SGCE: variants seen among roughly 807,000 people sequenced by gnomAD.
The protein encoded by SGCE is epsilon-sarcoglycan.
SGCE carries 26 observed loss-of-function variants against 57.8 expected under a neutral mutation model. The ratio of observed to expected loss-of-function variants is 0.45; its 90% CI spans 0.33 to 0.62. The LOEUF is 0.62. SGCE is among the 20% of genes least tolerant of loss of function. The pLI is 0.02. For missense variants in SGCE, 468 were observed against 548.6 expected, an observed-to-expected ratio of 0.85 and a Z score of 1.47; for synonymous variants, 183 against 189.5, an observed-to-expected ratio of 0.97 and a Z score of 0.28.
chr7:94,623,496 T>C (rs1803174685), intron 3 of SGCE, 99 bp from the exon 4 acceptor site: 9 of 803,260 alleles, frequency 1.1e-5, no homozygotes, highest in Non-Finnish European at 1.9e-5. Context: ...TTCTTTCCAT[T>C]TTCATTATTT....
At chr7:94,605,724 A>G (rs1011333396) in intron 5 of SGCE, among the ~76,000 whole-genome samples, 17 of 152,234 alleles carry the variant, frequency 1.1e-4, no homozygotes, top group Non-Finnish European at 2.2e-4. Context: ...AAAATGCTCA[A>G]TGAAAACTAT....
chr7:94,587,938 C>G, intron 10 of SGCE: 1 of 1,427,002 alleles, frequency 7.0e-7, no homozygotes, highest in Non-Finnish European at 9.1e-7. Context: ...TGCCGCTATT[C>G]ATACTCAGAA....
intron 9 of SGCE, 197 bp downstream of exon 9, chr7:94,598,578 G>GA: frequency 1.7e-6 from 1 of 596,684 alleles, no homozygotes; most frequent in Non-Finnish European, 3.0e-6. Flanking sequence ...ATCAGTGGGG[G>GA]AAAAAAAGTG....
chr7:94,601,700 A>G (rs1236389648), intron 6 of SGCE, among the ~76,000 whole-genome samples: 1 of 152,102 alleles, frequency 6.6e-6, no homozygotes, highest in African/African-American at 2.4e-5. Context: ...TGTTAATAAT[A>G]CAGTGTTAGT....
chr7:94,647,767 A>G (rs1807308059), intron 1 of SGCE, among the ~76,000 whole-genome samples: 1 of 152,128 alleles, frequency 6.6e-6, no homozygotes, highest in Non-Finnish European at 1.5e-5. Flanking sequence ...CTTTTACCTC[A>G]TATATACCGT....
chr7:94,586,046 A>C (rs1796837160), intron 10 of SGCE, among the ~76,000 whole-genome samples: 1 of 150,594 alleles, frequency 6.6e-6, no homozygotes, highest in Non-Finnish European at 1.5e-5. Flanking sequence ...TTTAAAAGAA[A>C]ACAAGGAACT....
At chr7:94,586,061 GAAAAAAAAAAA>G (rs780812386) in intron 10 of SGCE, among the ~76,000 whole-genome samples, 2 of 28,908 alleles carry the variant, frequency 6.9e-5, no homozygotes, top group East Asian at 1.3e-3. Flanking sequence ...GGAACTAAAT[GAAAAAAAAAAA>G]AAAAAAAAAA....
chr7:94,594,729 A>G (rs192200597), intron 9 of SGCE, among the ~76,000 whole-genome samples: 4 of 152,286 alleles, frequency 2.6e-5, no homozygotes, highest in Admixed American at 6.5e-5. Context: ...TTATCTTTGT[A>G]ACTTTCCTGT....
intron 3 of SGCE, chr7:94,626,105 G>A (rs1023462044): frequency 6.6e-6 from 1 of 151,958 alleles, no homozygotes; most frequent in Non-Finnish European, 1.5e-5. Flanking sequence ...GTTTATTGGC[G>A]TTTGTGTCTC....
chr7:94,597,119 A>G (rs1333365414), intron 9 of SGCE: 1 of 152,172 alleles, frequency 6.6e-6, no homozygotes, highest in Non-Finnish European at 1.5e-5. Flanking sequence ...ATAGAAACCC[A>G]TCCGTTGCAT....
chr7:94,633,155 T>A (rs983568412), intron 1 of SGCE, among the ~76,000 whole-genome samples: 2 of 151,824 alleles, frequency 1.3e-5, no homozygotes, highest in African/African-American at 4.8e-5. Flanking sequence ...CGGCTGCAAA[T>A]CCATTACCTC....
At chr7:94,589,030 T>C (rs1797286693) in intron 9 of SGCE, 1 of 398,530 alleles carries the variant, frequency 2.5e-6, no homozygotes, top group South Asian at 2.5e-5. Flanking sequence ...GGTGAAGAAA[T>C]AGCCTTGGAG....
intron 9 of SGCE, chr7:94,594,457 G>A (rs888246102): frequency 1.3e-5 from 2 of 152,038 alleles, no homozygotes; most frequent in African/African-American, 2.4e-5. Flanking sequence ...CATGACTGTC[G>A]AGGTCATGGG....
chr7:94,590,136 A>G (rs1251888772), intron 9 of SGCE: 1 of 152,030 alleles, frequency 6.6e-6, no homozygotes, highest in African/African-American at 2.4e-5. Context: ...CCAACAACCA[A>G]CTACCATGTC....
Position 94,599,005 on chromosome 7 carries a change from A to G in SGCE, c.1065-42T>C, listed in dbSNP as rs118176566. 8,652 of 1,462,032 alleles carry G rather than the reference A, an allele frequency of 5.9e-3. 43 individuals are homozygous for G. Among genetic ancestry groups the G allele is most frequent in the Non-Finnish European group, 7.3e-3 (7,719 of 1,050,460 alleles). 90.6% of individuals were successfully genotyped at this position (1,462,032 alleles called of 1,614,324 possible). ...TAAAACAACATATATTTAAAATCATATATTAGCCTGATGGGTCATCAATTT... is the reference window on the plus strand; with the variant it reads ...TAAAACAACATATATTTAAAATCATGTATTAGCCTGATGGGTCATCAATTT... On this transcript the variant is annotated intron_variant, in intron 8 of 10. Coordinates refer to ENST00000648936, the MANE Select transcript of SGCE (RefSeq NM_003919.3).
intron 10 of SGCE, chr7:94,588,355 TC>T: frequency 1.8e-6 from 2 of 1,126,210 alleles, no homozygotes; most frequent in Non-Finnish European, 2.2e-6. Flanking sequence ...CTGAGACAAA[TC>T]CTGGATGCAT....
intron 4 of SGCE, chr7:94,621,742 A>C (rs760745602): frequency 6.6e-6 from 1 of 152,198 alleles, no homozygotes; most frequent in Non-Finnish European, 1.5e-5. Context: ...TATTCTGCTC[A>C]TTAAGTGTAT....
At chr7:94,655,126 C>T (rs535654305) in intron 1 of SGCE, among the ~76,000 whole-genome samples, 2 of 152,328 alleles carry the variant, frequency 1.3e-5, no homozygotes, top group Non-Finnish European at 2.9e-5. Context: ...CGTGCGGTTG[C>T]CGTGACTAAA....
intron 1 of SGCE, among the ~76,000 whole-genome samples, chr7:94,643,360 CA>C (rs1806656603): frequency 6.6e-6 from 1 of 152,118 alleles, no homozygotes; most frequent in African/African-American, 2.4e-5. Flanking sequence ...TTACAGGATT[CA>C]AAAAGCAAAT....
Sources: gnomAD v4.1 joint callset for allele counts (sites outside exome capture counted in the v4.1 genomes callset) on GRCh38, gnomAD v4.1.1 for gene constraint, MANE v1.5 for transcripts, NCBI Gene and HGNC (gene_info 2026-07-23, HGNC 2026-07-21) for gene names.